The following AGBL4 variants were observed in gnomAD, a reference collection of about 807,000 sequenced individuals.
AGBL4 encodes cytosolic carboxypeptidase 6.
In AGBL4, 58 loss-of-function variants were observed where a neutral mutation model predicts 66.4. The observed-to-expected ratio is 0.87, with a 90% CI of 0.71 to 1.09. AGBL4 has a LOEUF of 1.09. AGBL4 is among the 50% of genes least tolerant of loss of function. The pLI, the probability that AGBL4 is intolerant of heterozygous loss-of-function variation, is 0.00. For missense variants in AGBL4, 579 were observed against 631.0 expected, an observed-to-expected ratio of 0.92 and a Z score of 0.88; for synonymous variants, 234 against 222.9, an observed-to-expected ratio of 1.05 and a Z score of -0.44.
At chr1:49,490,903 T>A (rs2148743110) in intron 3 of AGBL4, among the ~76,000 whole-genome samples, 1 of 151,882 alleles carries the variant, frequency 6.6e-6, no homozygotes, top group African/African-American at 2.4e-5. Context: ...CTTAACTTCC[T>A]CCTACCTGTG....
chr1:49,045,924 G>A (rs1187525073), intron 4 of AGBL4, 124 bp from the exon 5 acceptor site: 2 of 808,210 alleles, frequency 2.5e-6, no homozygotes, highest in Non-Finnish European at 3.8e-6. Flanking sequence ...GATGGGGCTG[G>A]GAGAATGACA....
At chr1:49,158,293 C>A (rs1437112683) in intron 4 of AGBL4, among the ~76,000 whole-genome samples, 1 of 151,988 alleles carries the variant, frequency 6.6e-6, no homozygotes, top group Non-Finnish European at 1.5e-5. Context: ...ACAAAAACAC[C>A]AAAAGCAATG....
chr1:49,667,094 A>G (rs570949945), intron 3 of AGBL4, among the ~76,000 whole-genome samples: 17 of 152,302 alleles, frequency 1.1e-4, no homozygotes, highest in South Asian at 2.1e-4. Flanking sequence ...AACAAATAAT[A>G]TAATACATGT....
chr1:48,603,687 T>C (rs1002660932), intron 9 of AGBL4, among the ~76,000 whole-genome samples: 6 of 152,128 alleles, frequency 3.9e-5, no homozygotes, highest in Admixed American at 6.5e-5. Context: ...TTAGCAAGAT[T>C]GTTCTGGAGG....
intron 3 of AGBL4, among the ~76,000 whole-genome samples, chr1:49,381,499 T>C (rs2148574799): frequency 6.6e-6 from 1 of 152,328 alleles, no homozygotes. Context: ...TTACTGGGTA[T>C]ATACCCAAAG....
At chr1:49,120,759 T>C (rs1645635944) in intron 4 of AGBL4, among the ~76,000 whole-genome samples, 1 of 152,234 alleles carries the variant, frequency 6.6e-6, no homozygotes, top group Non-Finnish European at 1.5e-5. Context: ...CCTGTCTTGC[T>C]AGGTTGGGGA....
intron 3 of AGBL4, among the ~76,000 whole-genome samples, chr1:49,605,043 C>T (rs1206212633): frequency 6.6e-6 from 1 of 151,968 alleles, no homozygotes; most frequent in East Asian, 1.9e-4. Flanking sequence ...TCACAAAAGT[C>T]CTAGGACAAA....
At chr1:49,819,610 T>C (rs1304270784) in intron 2 of AGBL4, among the ~76,000 whole-genome samples, 1 of 152,204 alleles carries the variant, frequency 6.6e-6, no homozygotes, top group African/African-American at 2.4e-5. Flanking sequence ...GACTGTTTTA[T>C]AAGATAATTT....
chr1:48,762,271 T>C (rs188731126), intron 6 of AGBL4, among the ~76,000 whole-genome samples: 2 of 152,344 alleles, frequency 1.3e-5, no homozygotes, highest in East Asian at 3.9e-4. Context: ...GGATATTATT[T>C]CTACTCATTT....
intron 3 of AGBL4, among the ~76,000 whole-genome samples, chr1:49,403,404 TC>T (rs1239756919): frequency 6.6e-6 from 1 of 152,208 alleles, no homozygotes; most frequent in Non-Finnish European, 1.5e-5. Flanking sequence ...GATCATTGGG[TC>T]TTTTTTCAAC....
rs1322893601 is a variant in AGBL4, at chr1:49,990,656, G to A, written c.34+33107C>T. ...TCTTTATAAAGCCCTAGGTTGAGTAGTACTAATTGTAATGGCATACCTAAA... is the reference window on the plus strand; with the variant it reads ...TCTTTATAAAGCCCTAGGTTGAGTAATACTAATTGTAATGGCATACCTAAA... On this transcript the variant is annotated intron_variant, in intron 1 of 13. Coordinates refer to ENST00000371839, the MANE Select transcript of AGBL4 (RefSeq NM_032785.4). Among the ~76,000 whole-genome samples, 3 of 152,086 alleles carry A rather than the reference G, an allele frequency of 2.0e-5. No homozygotes were observed. The East Asian group carries it at 5.8e-4, about 29-fold the overall frequency.
intron 3 of AGBL4, among the ~76,000 whole-genome samples, chr1:49,293,095 C>T (rs2148430027): frequency 6.6e-6 from 1 of 152,352 alleles, no homozygotes; most frequent in East Asian, 1.9e-4. Context: ...AGTCTCCAAG[C>T]CTCCATCACA....
chr1:48,782,766 A>C (rs1490133737), intron 6 of AGBL4, among the ~76,000 whole-genome samples: 1 of 151,544 alleles, frequency 6.6e-6, no homozygotes, highest in Non-Finnish European at 1.5e-5. Context: ...CTACATTGAC[A>C]CATCATCATC....
intron 5 of AGBL4, among the ~76,000 whole-genome samples, chr1:48,878,888 A>C (rs1184190780): frequency 1.3e-5 from 2 of 152,160 alleles, no homozygotes; most frequent in African/African-American, 4.8e-5. Flanking sequence ...TACTCCAGGA[A>C]GTAAAAGTGC....
chr1:49,245,975 G>A (rs1651611855), intron 3 of AGBL4, 111 bp from the exon 4 acceptor site: 3 of 751,016 alleles, frequency 4.0e-6, no homozygotes, highest in Admixed American at 4.5e-5. Context: ...TGGACTAGCA[G>A]GCAACTGTAT....
intron 1 of AGBL4, among the ~76,000 whole-genome samples, chr1:49,898,823 G>A (rs1649475472): frequency 6.6e-6 from 1 of 152,168 alleles, no homozygotes; most frequent in African/African-American, 2.4e-5. Context: ...CATCAACATG[G>A]ATGAAACTAG....
At chr1:49,740,350 C>A (rs978107832) in intron 2 of AGBL4, among the ~76,000 whole-genome samples, 3 of 152,198 alleles carry the variant, frequency 2.0e-5, no homozygotes, top group Non-Finnish European at 4.4e-5. Context: ...GAAGAGCTAA[C>A]TATCCTAAAT....
At chr1:48,569,758 T>G (rs759929989) in intron 11 of AGBL4, among the ~76,000 whole-genome samples, 1 of 152,194 alleles carries the variant, frequency 6.6e-6, no homozygotes, top group Non-Finnish European at 1.5e-5. Context: ...TATGTGACCT[T>G]GGACAAATCC....
intron 2 of AGBL4, among the ~76,000 whole-genome samples, chr1:49,790,132 ACTTTGGG>A (rs1207183975): frequency 1.3e-5 from 2 of 152,132 alleles, no homozygotes; most frequent in Non-Finnish European, 2.9e-5. Context: ...TAATCCCAGC[ACTTTGGG>A]AGGCCAAGGC....
Sources: allele counts gnomAD v4.1 joint callset (sites outside exome capture counted in the v4.1 genomes callset), GRCh38; gene constraint gnomAD v4.1.1; transcripts MANE v1.5; gene names NCBI Gene and HGNC (gene_info 2026-07-23, HGNC 2026-07-21).